MOCS2: variants seen among roughly 807,000 people sequenced by gnomAD.
The protein encoded by MOCS2 is molybdenum cofactor synthesis 2, also known as molybdopterin synthase catalytic subunit.
A neutral mutation model predicts 21.9 loss-of-function variants in MOCS2; 13 were observed. The observed-to-expected ratio is 0.59, with a 90% CI of 0.39 to 0.94. MOCS2 has a LOEUF of 0.94. Among genes scored for constraint, MOCS2 ranks in the 40% least tolerant of loss-of-function variants. The pLI, the probability that MOCS2 is intolerant of heterozygous loss-of-function variation, is 0.00. For missense variants in MOCS2, 227 were observed against 218.3 expected, an observed-to-expected ratio of 1.04 and a Z score of -0.25; for synonymous variants, 92 against 80.8, an observed-to-expected ratio of 1.14 and a Z score of -0.74.
chr5:53,106,424 T>A (rs1163114686), intron 3 of MOCS2, among the ~76,000 whole-genome samples: 1 of 152,158 alleles, frequency 6.6e-6, no homozygotes, highest in Non-Finnish European at 1.5e-5. Flanking sequence ...TAGAGGCCAT[T>A]ATCCTTAGCC....
chr5:53,108,404 T>C, intron 2 of MOCS2, 118 bp downstream of exon 2: 1 of 1,001,922 alleles, frequency 1.0e-6, no homozygotes, highest in Non-Finnish European at 1.5e-6. Flanking sequence ...AAAATACAAC[T>C]AACGATTCTT....
Position 53,098,674 on chromosome 5 carries a change from A to T in MOCS2, c.502-7T>A. The T allele has an allele frequency of 1.9e-6, 3 of 1,607,190 alleles. No homozygotes were observed. The highest frequency in any genetic ancestry group is 2.6e-6 in the Non-Finnish European group (3 of 1,173,858). ...ATGACTCTTCGTATATTTCCTAAAA[A>T]ACAAAATCATAACAGGTATTAAAAA... On this transcript the variant is annotated splice_region_variant and splice_polypyrimidine_tract_variant and intron_variant, in intron 6 of 6. Coordinates refer to ENST00000396954, the MANE Select transcript of MOCS2 (RefSeq NM_004531.5).
intron 5 of MOCS2, 52 bp from the exon 6 acceptor site, chr5:53,100,586 G>A (rs1265909654): frequency 3.1e-6 from 5 of 1,599,718 alleles, no homozygotes; most frequent in South Asian, 2.2e-5. Context: ...GAATCTACGT[G>A]TTAAAGAATC....
intron 3 of MOCS2, among the ~76,000 whole-genome samples, chr5:53,102,671 G>A (rs1425516518): frequency 6.7e-6 from 1 of 148,338 alleles, no homozygotes; most frequent in Non-Finnish European, 1.5e-5. Flanking sequence ...GGCTTCAAGG[G>A]ACCAGTGGCT....
chr5:53,109,679 A>G lies in MOCS2; in HGVS notation c.-598T>C. On this transcript the variant is annotated 5_prime_UTR_variant, in exon 1 of 7. Transcript: ENST00000396954. Reference sequence around the variant, plus strand: ...AGAGACACGTCGAGGAGGGCTCCGCACCCAGGCCCGCACGCACACCCGCCA... The same window carrying G: ...AGAGACACGTCGAGGAGGGCTCCGCGCCCAGGCCCGCACGCACACCCGCCA... The G allele has an allele frequency of 6.4e-7, 1 of 1,551,316 alleles. No homozygotes were observed. The highest frequency in any genetic ancestry group is 8.7e-7 in the Non-Finnish European group (1 of 1,147,452).
rs201182814 is a variant in MOCS2 at position 53,107,130 on chromosome 5, C to T, written c.45G>A (p.Thr15=). Reference sequence around the variant, plus strand: ...CTAATGGGGGGGATAACGGCAATTTCGTCTCCAGGCTGAAGCACGAGGAGC... The same window carrying T: ...CTAATGGGGGGGATAACGGCAATTTTGTCTCCAGGCTGAAGCACGAGGAGC... ...EISSSCFSLE[T]KLPLSPPLVE... The change falls in exon 3 of 7, where the codon ACG becomes ACA. Residue 15 remains threonine (T), a synonymous_variant. Coordinates refer to ENST00000396954, the MANE Select transcript of MOCS2 (RefSeq NM_004531.5). The T allele has an allele frequency of 7.1e-5, 114 of 1,613,996 alleles. No individual in the cohort carries two copies. The highest frequency in any genetic ancestry group is 9.0e-5 in the Non-Finnish European group (106 of 1,180,010).
At chr5:53,102,975 GT>G (rs1740957008) in intron 3 of MOCS2, among the ~76,000 whole-genome samples, 1 of 151,098 alleles carries the variant, frequency 6.6e-6, no homozygotes, top group East Asian at 1.9e-4. Flanking sequence ...GAAAAAAAAG[GT>G]AATGATGCAG....
Position 53,097,478 on chromosome 5 carries a change from TAA to T in MOCS2, c.*1122_*1123del, listed in dbSNP as rs1294321923. 6.6e-6 allele frequency: 1 copy of T among 152,178 alleles called. No homozygotes were observed. The highest frequency in any genetic ancestry group is 1.5e-5 in the Non-Finnish European group (1 of 68,008). 9.4% of individuals were successfully genotyped at this position (152,178 alleles called of 1,614,324 possible). On this transcript the variant is annotated 3_prime_UTR_variant, in exon 7 of 7. Transcript: ENST00000396954. ...GACATAAGAAAAAAATCCTTCAATC[TAA>T]GTGTCTGAAAGTATAGCTTTTGTTC...
chr5:53,105,150 A>G (rs1741015726), intron 3 of MOCS2, among the ~76,000 whole-genome samples: 1 of 151,910 alleles, frequency 6.6e-6, no homozygotes, highest in Non-Finnish European at 1.5e-5. Context: ...TAGCTGTGAA[A>G]TTTTTCTACA....
At chr5:53,100,804 A>C in intron 5 of MOCS2, 1 of 441,766 alleles carries the variant, frequency 2.3e-6, no homozygotes, top group South Asian at 2.2e-5. Flanking sequence ...TCATTGATAG[A>C]GCAAACATCT....
Position 53,101,258 on chromosome 5 carries a change from C to T in MOCS2, c.377+101G>A. On this transcript the variant is annotated intron_variant, in intron 5 of 6. Coordinates refer to ENST00000396954, the MANE Select transcript of MOCS2 (RefSeq NM_004531.5). ...AAAAATAATACATGAATATTCCTCT[C>T]ATGGTAATATAGAATTACTAAGAAA... The T allele has an allele frequency of 1.5e-5, 19 of 1,241,750 alleles. No individual in the cohort carries two copies. In the South Asian group the frequency reaches 2.3e-4, roughly 15 times the overall value. The allele number at this position is 1,241,750 out of a possible 1,614,324, so 76.9% of individuals were successfully genotyped here. A position where few individuals can be genotyped will look rare whatever the true frequency, so the allele number is the denominator to read the frequency against.
Position 53,107,149 on chromosome 5 carries a change from G to C in MOCS2, c.26C>G (p.Ser9Trp), listed in dbSNP as rs368637182. Reference protein sequence around the residue: MSSLEISSSCFSLETKLPL... With the variant: MSSLEISSWCFSLETKLPL... ...CAATTTCGTCTCCAGGCTGAAGCAC[G>C]AGGAGCTGATCTCCAAGCTCGACAT... Residue 9 changes from serine to tryptophan, a missense_variant, in exon 3 of 7, where the codon TCG (serine) becomes TGG (tryptophan). Coordinates refer to ENST00000396954, the MANE Select transcript of MOCS2 (RefSeq NM_004531.5). 2 of 1,613,926 alleles carry C rather than the reference G, an allele frequency of 1.2e-6. No homozygotes were observed. Among genetic ancestry groups the C allele is most frequent in the Non-Finnish European group, 1.7e-6 (2 of 1,179,956 alleles).
At chr5:53,100,672 G>A in intron 5 of MOCS2, 138 bp from the exon 6 acceptor site, 2 of 884,644 alleles carry the variant, frequency 2.3e-6, no homozygotes, top group South Asian at 3.1e-5. Flanking sequence ...TAAACATACA[G>A]TTAGAAAAGA....
Position 53,109,373 on chromosome 5 carries a change from T to A in MOCS2, c.-292A>T. On this transcript the variant is annotated 5_prime_UTR_variant, in exon 1 of 7. Transcript: ENST00000396954. ...AATTCTCCATGAGGTGCATTTCTTTTTAGATTAAAATTTTAGCTTCATCAA... is the reference window on the plus strand; with the variant it reads ...AATTCTCCATGAGGTGCATTTCTTTATAGATTAAAATTTTAGCTTCATCAA... 1 of 1,165,776 alleles carries A rather than the reference T, an allele frequency of 8.6e-7. No homozygotes were observed. The allele number at this position is 1,165,776 out of a possible 1,614,324, so 72.2% of individuals were successfully genotyped here.
In MOCS2 at chr5:53,107,067, TC is replaced by T. The variant is rs774947179; in HGVS notation, c.98+9del. 1 of 1,613,914 alleles carries T rather than the reference TC, an allele frequency of 6.2e-7. No individual in the cohort carries two copies. Among genetic ancestry groups the T allele is most frequent in the Non-Finnish European group, 8.5e-7 (1 of 1,179,940 alleles). On this transcript the variant is annotated intron_variant, in intron 3 of 6. Transcript: ENST00000396954. ...CACACGACTGATTAAGAAAAACAAA[TC>T]TCACATACCTAGATGGCTCAAAAGC...
Position 53,108,506 on chromosome 5 carries a change from A to C in MOCS2, c.-48+16T>G, listed in dbSNP as rs1433138750. ...TCTAAGTGTTACTCATATGCATTCT[A>C]CAAATTTTTAACTACCCAGGATGTC... On this transcript the variant is annotated intron_variant, in intron 2 of 6. Coordinates refer to ENST00000396954, the MANE Select transcript of MOCS2 (RefSeq NM_004531.5). 8.7e-6 allele frequency: 14 copies of C among 1,609,744 alleles called. No homozygotes were observed. The highest frequency in any genetic ancestry group is 1.2e-5 in the Non-Finnish European group (14 of 1,177,734).
At chr5:53,106,226 C>G (rs1017354459) in intron 3 of MOCS2, among the ~76,000 whole-genome samples, 4 of 152,316 alleles carry the variant, frequency 2.6e-5, no homozygotes, top group Admixed American at 1.3e-4. Context: ...TATAATCGTT[C>G]TGTCATAAAG....
In MOCS2 at chr5:53,109,310, G is replaced by A; in HGVS notation, c.-229C>T. The A allele has an allele frequency of 1.9e-6, 2 of 1,041,804 alleles. No homozygotes were observed. The highest frequency in any genetic ancestry group is 4.4e-5 in the South Asian group (1 of 22,732). 64.5% of individuals were successfully genotyped at this position (1,041,804 alleles called of 1,614,324 possible). Reference sequence around the variant, plus strand: ...ATTACAGGTTTGCAAATGATCAAGGGTGTAGAAATCCACAGATGAAGCACA... The same window carrying A: ...ATTACAGGTTTGCAAATGATCAAGGATGTAGAAATCCACAGATGAAGCACA... On this transcript the variant is annotated 5_prime_UTR_variant, in exon 1 of 7. Transcript: ENST00000396954.
intron 2 of MOCS2, 123 bp from the exon 3 acceptor site, chr5:53,107,344 T>C (rs1741079341): frequency 1.1e-6 from 1 of 877,106 alleles, no homozygotes; most frequent in Non-Finnish European, 1.8e-6. Flanking sequence ...AATTACCAAT[T>C]AAATTTACAC....
Sources: allele counts gnomAD v4.1 joint callset (sites outside exome capture counted in the v4.1 genomes callset), GRCh38; gene constraint gnomAD v4.1.1; transcripts MANE v1.5; gene names NCBI Gene and HGNC (gene_info 2026-07-23, HGNC 2026-07-21).